The following PPP2R2D variants were observed in gnomAD, a reference collection of about 807,000 sequenced individuals.
PPP2R2D encodes serine/threonine-protein phosphatase 2A 55 kDa regulatory subunit B delta isoform.
Under a neutral mutation model 31.1 loss-of-function variants are expected in PPP2R2D, and 9 were observed. That is an observed-to-expected ratio of 0.29 (90% CI 0.17 to 0.51). PPP2R2D has a LOEUF of 0.51. Ranked by LOEUF, PPP2R2D falls within the 20% of genes least tolerant of loss-of-function variation. PPP2R2D has a pLI of 0.98. For missense variants in PPP2R2D, 391 were observed against 465.6 expected, an observed-to-expected ratio of 0.84 and a Z score of 1.48; for synonymous variants, 179 against 172.6, an observed-to-expected ratio of 1.04 and a Z score of -0.29.
At chr10:131,934,672 T>C in intron 3 of PPP2R2D, 117 bp downstream of exon 3, 2 of 689,042 alleles carry the variant, frequency 2.9e-6, no homozygotes, top group Non-Finnish European at 5.4e-6. Context: ...TTCAGTTCCA[T>C]CACATTAGCC....
chr10:131,920,973 TAATA>T (rs1554894170), intron 2 of PPP2R2D, among the ~76,000 whole-genome samples: 1 of 152,218 alleles, frequency 6.6e-6, no homozygotes, highest in Non-Finnish European at 1.5e-5. Flanking sequence ...TGTGTGTTTC[TAATA>T]AATGTTAATA....
intron 5 of PPP2R2D, 154 bp downstream of exon 5, chr10:131,940,848 G>T (rs2036429254): frequency 3.8e-6 from 2 of 532,026 alleles, no homozygotes; most frequent in Non-Finnish European, 6.8e-6. Flanking sequence ...TCATGTGTGT[G>T]TTTAAAAGCA....
chr10:131,949,729 C>G (rs907651427), intron 8 of PPP2R2D, among the ~76,000 whole-genome samples: 4 of 151,892 alleles, frequency 2.6e-5, no homozygotes, highest in Non-Finnish European at 4.4e-5. Flanking sequence ...CTAGAAATGA[C>G]AAGTATGATA....
chr10:131,959,624 T>C lies in PPP2R2D; in HGVS notation c.*3661T>C, dbSNP rs1393207692. The stretch of plus-strand genomic sequence containing the variant: ...CTTGAGTTCACATTAAGTTAGAAAT[T>C]GAGAATCTAAAGGTACCTTTATTTT... On this transcript the variant is annotated 3_prime_UTR_variant, in exon 9 of 9. Transcript: ENST00000455566. 1.3e-5 allele frequency: 2 copies of C among 152,654 alleles called. No homozygotes were observed. The highest frequency in any genetic ancestry group is 1.5e-5 in the Non-Finnish European group (1 of 68,378). 9.5% of individuals were successfully genotyped at this position (152,654 alleles called of 1,614,324 possible).
chr10:131,939,819 C>T (rs2036410337), intron 3 of PPP2R2D: 1 of 333,516 alleles, frequency 3.0e-6, no homozygotes, highest in East Asian at 4.9e-5. Flanking sequence ...AGACCTGCTC[C>T]AGATGCATAC....
downstream of PPP2R2D, among the ~76,000 whole-genome samples, chr10:131,963,551 C>T (rs567884409): frequency 1.5e-4 from 23 of 152,324 alleles, no homozygotes; most frequent in African/African-American, 5.5e-4. Flanking sequence ...CTGCGCGCGT[C>T]TGGGCGGGCT....
Position 131,947,894 on chromosome 10 carries a change from G to T in PPP2R2D, c.1082+103G>T. The T allele has an allele frequency of 1.4e-6, 2 of 1,411,466 alleles. No individual in the cohort carries two copies. The highest frequency in any genetic ancestry group is 1.9e-6 in the Non-Finnish European group (2 of 1,035,162). The allele number at this position is 1,411,466 out of a possible 1,614,324, so 87.4% of individuals were successfully genotyped here. ...CTGTCCTCCAGCGTCAGAGGAGGAC[G>T]CTCATAGGGTGTTGTTTTCCAGACC... On this transcript the variant is annotated intron_variant, in intron 8 of 8. Coordinates refer to ENST00000455566, the MANE Select transcript of PPP2R2D (RefSeq NM_018461.5). The surrounding 1 kb of genome is among the most constrained non-coding windows in gnomAD (Gnocchi z 4.3).
intron 5 of PPP2R2D, chr10:131,940,916 A>T: frequency 2.2e-6 from 1 of 460,476 alleles, no homozygotes; most frequent in Non-Finnish European, 3.8e-6. Flanking sequence ...TAGGAAACAC[A>T]GCAATACTAA....
chr10:131,970,697 T>A, the PPP2R2D span: 1 of 1,614,056 alleles, frequency 6.2e-7, no homozygotes. The surrounding 1 kb of genome is among the most constrained non-coding windows in gnomAD (Gnocchi z 4.1). Context: ...CTTTCAGAAA[T>A]TCTGCAGAGA....
Position 131,935,125 on chromosome 10 carries a change from G to A in PPP2R2D, c.198+570G>A, listed in dbSNP as rs146953739. On this transcript the variant is annotated intron_variant, in intron 3 of 8. Coordinates refer to ENST00000455566, the MANE Select transcript of PPP2R2D (RefSeq NM_018461.5). ...GCTCATAAGCAAGCACTGGCTTCCCGGTCACGGCACTGCCTTTTCACTGAT... is the reference window on the plus strand; with the variant it reads ...GCTCATAAGCAAGCACTGGCTTCCCAGTCACGGCACTGCCTTTTCACTGAT... 620 of 358,712 alleles carry A rather than the reference G, an allele frequency of 1.7e-3. 8 individuals are homozygous for A. Among genetic ancestry groups the A allele is most frequent in the African/African-American group, 9.2e-3 (433 of 47,202 alleles). The allele number at this position is 358,712 out of a possible 1,614,324, so 22.2% of individuals were successfully genotyped here. A position where few individuals can be genotyped will look rare whatever the true frequency, so the allele number is the denominator to read the frequency against.
intron 2 of PPP2R2D, among the ~76,000 whole-genome samples, chr10:131,916,997 G>C (rs1554893219): frequency 7.3e-6 from 1 of 137,772 alleles, no homozygotes; most frequent in African/African-American, 2.6e-5. Flanking sequence ...CCTCAGGTGG[G>C]TGGAATGACA....
At chr10:131,924,984 T>C (rs2036075812) in intron 2 of PPP2R2D, among the ~76,000 whole-genome samples, 1 of 152,214 alleles carries the variant, frequency 6.6e-6, no homozygotes, top group South Asian at 2.1e-4. Context: ...AGAAATGCAG[T>C]TGACTTTATT....
chr10:131,921,487 G>A (rs955047111), intron 2 of PPP2R2D, among the ~76,000 whole-genome samples: 3 of 152,178 alleles, frequency 2.0e-5, no homozygotes, highest in African/African-American at 7.2e-5. Flanking sequence ...GCCTGGACCG[G>A]GATGGGGGAT....
intron 8 of PPP2R2D, among the ~76,000 whole-genome samples, chr10:131,949,073 G>A (rs2036595142): frequency 6.6e-6 from 1 of 152,200 alleles, no homozygotes; most frequent in Non-Finnish European, 1.5e-5. Context: ...GGGAGGGACC[G>A]GCGTGTTTCC....
rs1239643557 is a variant in PPP2R2D, at chr10:131,947,009, A to G, written c.821-521A>G. On this transcript the variant is annotated intron_variant, in intron 7 of 8. Transcript: ENST00000455566. This position sits in a 1 kb window ranked among gnomAD's most constrained non-coding sequence, Gnocchi z 4.3. Reference sequence around the variant, plus strand: ...TCAAGGTGGTCACTCCTGCAGACCCACAAACTGTCGACCCTCCAAAAAGCA... The same window carrying G: ...TCAAGGTGGTCACTCCTGCAGACCCGCAAACTGTCGACCCTCCAAAAAGCA... Among the ~76,000 whole-genome samples, 4 of 152,258 alleles carry G rather than the reference A, an allele frequency of 2.6e-5. No individual in the cohort carries two copies. In the East Asian group the frequency reaches 5.8e-4, roughly 22 times the overall value.
chr10:131,925,745 C>T (rs541624029), intron 2 of PPP2R2D, among the ~76,000 whole-genome samples: 62 of 152,164 alleles, frequency 4.1e-4, no homozygotes, highest in Non-Finnish European at 7.5e-4. Flanking sequence ...ATTAGGCATG[C>T]GGATACATTG....
chr10:131,949,632 C>T (rs1033123980), intron 8 of PPP2R2D, among the ~76,000 whole-genome samples: 1 of 152,148 alleles, frequency 6.6e-6, no homozygotes, highest in Admixed American at 6.6e-5. Context: ...GAGATATTCA[C>T]AGACTAGAGG....
In PPP2R2D at chr10:131,945,030, CATT is replaced by C. The variant is rs1372758725; in HGVS notation, c.656-263_656-261del. On this transcript the variant is annotated intron_variant, in intron 6 of 8. Coordinates refer to ENST00000455566, the MANE Select transcript of PPP2R2D (RefSeq NM_018461.5). The surrounding 1 kb of genome is among the most constrained non-coding windows in gnomAD (Gnocchi z 4.8). Reference sequence around the variant, plus strand: ...TTGCTATTAAGGGCTTTCTGTATAACATTAATAATAGCAGCAAGATGAAAGCGG... The same window carrying C: ...TTGCTATTAAGGGCTTTCTGTATAACAATAATAGCAGCAAGATGAAAGCGG... Among the ~76,000 whole-genome samples the C allele has an allele frequency of 6.6e-6, 1 of 152,126 alleles. No homozygotes were observed. The highest frequency in any genetic ancestry group is 1.5e-5 in the Non-Finnish European group (1 of 68,028).
intron 2 of PPP2R2D, among the ~76,000 whole-genome samples, chr10:131,933,563 C>T (rs1285801568): frequency 3.3e-5 from 5 of 152,060 alleles, no homozygotes; most frequent in African/African-American, 9.7e-5. Context: ...GATGGCCCCT[C>T]GGGAGGCCAC....
Sources: gnomAD v4.1 joint callset for allele counts (sites outside exome capture counted in the v4.1 genomes callset) on GRCh38, gnomAD v4.1.1 for gene constraint, Gnocchi (gnomAD v3.1) non-coding constraint, MANE v1.5 for transcripts, NCBI Gene and HGNC (gene_info 2026-07-23, HGNC 2026-07-21) for gene names.